CCDC60: variants seen among roughly 807,000 people sequenced by gnomAD.
CCDC60 encodes the protein coiled-coil domain-containing protein 60.
Under a neutral mutation model 63.5 loss-of-function variants are expected in CCDC60, and 54 were observed. That is an observed-to-expected ratio of 0.85 (90% confidence interval 0.68 to 1.07). The LOEUF (loss-of-function observed/expected upper bound fraction) is 1.07. CCDC60 is among the 50% of genes least tolerant of loss of function. CCDC60 has a pLI of 0.00. For synonymous variants in CCDC60, 206 were observed against 238.8 expected (o/e 0.86, Z 1.27); for missense variants, 651 against 684.3 (o/e 0.95, Z 0.54).
intron 8 of CCDC60, among the ~76,000 whole-genome samples, chr12:119,519,317 T>C (rs952756134): frequency 6.6e-6 from 1 of 151,810 alleles, no homozygotes; most frequent in African/African-American, 2.4e-5. Flanking sequence ...CAGAAGCAGT[T>C]AGGATACTTG....
intron 2 of CCDC60, among the ~76,000 whole-genome samples, chr12:119,454,415 C>G (rs1272038955): frequency 1.3e-5 from 2 of 152,124 alleles, no homozygotes; most frequent in African/African-American, 4.8e-5. Flanking sequence ...CTCTAAGTGC[C>G]ACCACCCCCT....
chr12:119,480,416 CATAAT>C (rs764342205), intron 4 of CCDC60, among the ~76,000 whole-genome samples: 1 of 152,118 alleles, frequency 6.6e-6, no homozygotes, highest in African/African-American at 2.4e-5. Context: ...TTAAGGAGCT[CATAAT>C]ATATTTGGCA....
intron 13 of CCDC60, among the ~76,000 whole-genome samples, chr12:119,532,763 C>T (rs1032226371): frequency 1.1e-4 from 17 of 152,172 alleles, no homozygotes; most frequent in Non-Finnish European, 2.5e-4. Flanking sequence ...TTTTTTATGG[C>T]TGCATAGTAT....
chr12:119,489,012 C>G, intron 5 of CCDC60, 146 bp downstream of exon 5: 1 of 681,206 alleles, frequency 1.5e-6, no homozygotes, highest in Admixed American at 2.4e-5. Context: ...GGGATCTGAA[C>G]AGGGGAGAAC....
intron 5 of CCDC60, among the ~76,000 whole-genome samples, chr12:119,499,420 T>G (rs906529946): frequency 2.6e-4 from 40 of 152,226 alleles, no homozygotes; most frequent in Admixed American, 2.4e-3. Context: ...CCCTGAAGCT[T>G]TAGCTTCATT....
chr12:119,371,432 T>C (rs1416486081), intron 1 of CCDC60, among the ~76,000 whole-genome samples: 1 of 152,074 alleles, frequency 6.6e-6, no homozygotes, highest in African/African-American at 2.4e-5. Context: ...CAATAAATAG[T>C]TGTGGAATGA....
intron 11 of CCDC60, among the ~76,000 whole-genome samples, chr12:119,524,205 T>C (rs1462159012): frequency 2.0e-5 from 3 of 152,018 alleles, no homozygotes; most frequent in Non-Finnish European, 1.5e-5. Flanking sequence ...GAAAAGTGCA[T>C]GCAAAGTCCC....
chr12:119,434,146 C>T (rs1019286643), intron 2 of CCDC60, among the ~76,000 whole-genome samples: 1 of 152,212 alleles, frequency 6.6e-6, no homozygotes, highest in Non-Finnish European at 1.5e-5. Context: ...CTCCCCTACC[C>T]CCAGCAGGGT....
intron 1 of CCDC60, among the ~76,000 whole-genome samples, chr12:119,407,351 AAG>A (rs1491362984): frequency 6.8e-6 from 1 of 147,846 alleles, no homozygotes; most frequent in Admixed American, 6.7e-5. Flanking sequence ...TACAAAAAAA[AAG>A]AAAAGAAAAG....
chr12:119,528,817 T>C (rs978518923), intron 12 of CCDC60, 71 bp downstream of exon 12: 16 of 1,490,538 alleles, frequency 1.1e-5, no homozygotes, highest in Non-Finnish European at 1.5e-5. Context: ...AAGATCACTA[T>C]TGATTCCACT....
chr12:119,477,923 CAGAG>C (rs1396173749), intron 3 of CCDC60, among the ~76,000 whole-genome samples: 1 of 151,428 alleles, frequency 6.6e-6, no homozygotes, highest in African/African-American at 2.4e-5. Flanking sequence ...CACACACTCA[CAGAG>C]AGAGAGAGGA....
intron 1 of CCDC60, among the ~76,000 whole-genome samples, chr12:119,419,895 A>G: frequency 9.3e-6 from 1 of 107,732 alleles, no homozygotes; most frequent in Admixed American, 1.1e-4. Flanking sequence ...TTTTTTTTGG[A>G]GACAGAGTCT....
chr12:119,410,422 C>T lies in CCDC60; in HGVS notation c.91-18261C>T, dbSNP rs1956574871. ...TAATAAAAAATGAAATGACAGAAAACTCAGTGCTCCATCTTCAGTCCTTCA... is the reference window on the plus strand; with the variant it reads ...TAATAAAAAATGAAATGACAGAAAATTCAGTGCTCCATCTTCAGTCCTTCA... On this transcript the variant is annotated intron_variant, in intron 1 of 13. Transcript: ENST00000327554. This position sits in a 1 kb window ranked among gnomAD's most constrained non-coding sequence, Gnocchi z 4.0. 6.6e-6 allele frequency among the ~76,000 whole-genome samples: 1 copy of T among 152,136 alleles called. No homozygotes were observed. The highest frequency in any genetic ancestry group is 1.5e-5 in the Non-Finnish European group (1 of 68,034).
At chr12:119,510,003 C>T (rs1177256293) in intron 7 of CCDC60, among the ~76,000 whole-genome samples, 3 of 152,100 alleles carry the variant, frequency 2.0e-5, no homozygotes, top group African/African-American at 7.2e-5. Context: ...TTTTTGGTAC[C>T]TGGCCCCTGA....
intron 1 of CCDC60, among the ~76,000 whole-genome samples, chr12:119,399,480 C>G (rs1956347851): frequency 6.6e-6 from 1 of 152,146 alleles, no homozygotes; most frequent in South Asian, 2.1e-4. Context: ...TCCTTTGAGC[C>G]TGACATGCGG....
chr12:119,533,861 C>T (rs140356854), intron 13 of CCDC60, among the ~76,000 whole-genome samples: 158 of 152,276 alleles, frequency 1.0e-3, no homozygotes, highest in African/African-American at 3.7e-3. Flanking sequence ...GTGATGCCTC[C>T]AGCTTTGTTC....
intron 1 of CCDC60, among the ~76,000 whole-genome samples, chr12:119,428,282 T>C (rs1956934718): frequency 6.6e-6 from 1 of 152,212 alleles, no homozygotes; most frequent in Non-Finnish European, 1.5e-5. Context: ...TAAAGTGTAA[T>C]GCTTATAGTA....
At chr12:119,496,248 G>A (rs1309230936) in intron 5 of CCDC60, among the ~76,000 whole-genome samples, 1 of 152,210 alleles carries the variant, frequency 6.6e-6, no homozygotes, top group African/African-American at 2.4e-5. Flanking sequence ...GGAAGCAGAT[G>A]TTTTACCCCA....
At chr12:119,519,068 A>T (rs757873193) in intron 8 of CCDC60, among the ~76,000 whole-genome samples, 4 of 152,180 alleles carry the variant, frequency 2.6e-5, no homozygotes, top group Non-Finnish European at 4.4e-5. Flanking sequence ...AGCTACAGAG[A>T]GACGGTTAGG....
Sources: allele counts gnomAD v4.1 joint callset (sites outside exome capture counted in the v4.1 genomes callset), GRCh38; gene constraint gnomAD v4.1.1; non-coding constraint Gnocchi (gnomAD v3.1); transcripts MANE v1.5; gene names NCBI Gene and HGNC (gene_info 2026-07-23, HGNC 2026-07-21).